Variants in PRRC2B observed in about 807,000 individuals in gnomAD.
PRRC2B encodes proline rich coiled-coil 2B.
In PRRC2B, 68 loss-of-function variants were observed where a neutral mutation model predicts 242.3. That is an observed-to-expected ratio of 0.28 (90% CI 0.23 to 0.34). The LOEUF is 0.34. PRRC2B is among the 10% of genes least tolerant of loss of function. The pLI, the probability that PRRC2B is intolerant of heterozygous loss-of-function variation, is 1.00. For synonymous variants in PRRC2B, 1,228 were observed against 1,173.6 expected (o/e 1.05, Z -0.95); for missense variants, 2,835 against 2,954.8 (o/e 0.96, Z 0.94).
intron 9 of PRRC2B, among the ~76,000 whole-genome samples, chr9:131,448,997 C>G (rs1248020522): frequency 6.6e-6 from 1 of 152,154 alleles, no homozygotes; most frequent in Non-Finnish European, 1.5e-5. Context: ...TCTTCTGATT[C>G]ACTTTACCCT....
intron 1 of PRRC2B, among the ~76,000 whole-genome samples, chr9:131,423,305 G>T (rs757492091): frequency 6.6e-6 from 1 of 152,218 alleles, no homozygotes; most frequent in Non-Finnish European, 1.5e-5. Flanking sequence ...TCTTGCCTCA[G>T]CCGGCTTCCT....
chr9:131,402,416 G>A (rs908729701), intron 1 of PRRC2B, among the ~76,000 whole-genome samples: 1 of 152,190 alleles, frequency 6.6e-6, no homozygotes, highest in African/African-American at 2.4e-5. Flanking sequence ...TGCAGCATGT[G>A]TCAGAACTAA....
chr9:131,451,665 T>G lies in PRRC2B; in HGVS notation c.1121-3411T>G, dbSNP rs150068827. ...TTTCTGGTCTGAGGAAGAAAATGTT[T>G]CATGTGTCAGCATGAAGTGTCAGCT... On this transcript the variant is annotated intron_variant, in intron 9 of 31. Coordinates refer to ENST00000683519, the MANE Select transcript of PRRC2B (RefSeq NM_013318.4). 2.0e-4 allele frequency among the ~76,000 whole-genome samples: 30 copies of G among 151,602 alleles called. No homozygotes were observed. In the East Asian group the frequency reaches 5.4e-3, roughly 27 times the overall value.
In PRRC2B at chr9:131,487,988, C is replaced by T. The variant is rs2131474442; in HGVS notation, c.6117C>T (p.Gly2039=). The change falls in exon 28 of 32, where the codon GGC becomes GGT. Residue 2039 remains glycine (G), a synonymous_variant. Transcript: ENST00000683519. The surrounding 1 kb of genome is among the most constrained non-coding windows in gnomAD (Gnocchi z 5.3). ...QPLEMVKPQS[G]SPYQPMSGNQ... ...TGGAGATGGTGAAGCCGCAGTCTGG[C>T]TCACCCTACCAGCCCATGAGCGGGA... 6.2e-7 allele frequency: 1 copy of T among 1,612,252 alleles called. No homozygotes were observed. The highest frequency in any genetic ancestry group is 8.5e-7 in the Non-Finnish European group (1 of 1,179,184).
At chr9:131,387,726 G>A (rs1836843651) in intron 1 of PRRC2B, among the ~76,000 whole-genome samples, 2 of 150,434 alleles carry the variant, frequency 1.3e-5, no homozygotes, top group South Asian at 4.2e-4. Context: ...TGCCACCACC[G>A]AGAGTGTGAA....
chr9:131,423,191 C>T (rs1031084014), intron 1 of PRRC2B, among the ~76,000 whole-genome samples: 3 of 152,186 alleles, frequency 2.0e-5, no homozygotes, highest in African/African-American at 7.2e-5. Flanking sequence ...TTGACTTATG[C>T]TAACCTGCGA....
intron 6 of PRRC2B, 58 bp downstream of exon 6, chr9:131,444,386 T>C (rs1054250076): frequency 1.9e-6 from 3 of 1,565,304 alleles, no homozygotes; most frequent in African/African-American, 2.7e-5. Context: ...TCCTCTCATC[T>C]CTCTGCACTC....
intron 1 of PRRC2B, among the ~76,000 whole-genome samples, chr9:131,380,159 A>G (rs915613084): frequency 1.3e-5 from 2 of 150,982 alleles, no homozygotes; most frequent in African/African-American, 4.9e-5. Flanking sequence ...CGCCCAGCTA[A>G]TTTTGTGGAT....
chr9:131,481,819 C>T lies in PRRC2B; in HGVS notation c.4983+11C>T, dbSNP rs1173403126. The T allele has an allele frequency of 6.5e-7, 1 of 1,548,922 alleles. No individual in the cohort carries two copies. The highest frequency in any genetic ancestry group is 8.7e-7 in the Non-Finnish European group (1 of 1,149,232). The stretch of plus-strand genomic sequence containing the variant: ...ACTGGCTCTGCGGAGGTGAGTGTGG[C>T]CGCTGCCCACATGCTGCCCCTGGGA... On this transcript the variant is annotated intron_variant, in intron 20 of 31. Coordinates refer to ENST00000683519, the MANE Select transcript of PRRC2B (RefSeq NM_013318.4).
chr9:131,402,576 G>C lies in PRRC2B; in HGVS notation c.-52+8313G>C, dbSNP rs144582573. On this transcript the variant is annotated intron_variant, in intron 1 of 31. Transcript: ENST00000683519. ...CCCAGTGGAGTGAGTAAATGCATCCGGAAGCAGAATTCTGTTGTTTCCCAT... is the reference window on the plus strand; with the variant it reads ...CCCAGTGGAGTGAGTAAATGCATCCCGAAGCAGAATTCTGTTGTTTCCCAT... Among the ~76,000 whole-genome samples the C allele has an allele frequency of 1.5e-3, 223 of 152,176 alleles. 2 individuals are homozygous for C. The highest frequency in any genetic ancestry group is 7.4e-3 in the Admixed American group (113 of 15,282).
chr9:131,486,864 T>G (rs1256887197), intron 26 of PRRC2B, among the ~76,000 whole-genome samples: 1 of 152,264 alleles, frequency 6.6e-6, no homozygotes, highest in Non-Finnish European at 1.5e-5. Flanking sequence ...TCTTTCTTTT[T>G]GTGCATTGTT....
intron 1 of PRRC2B, among the ~76,000 whole-genome samples, chr9:131,400,994 T>C (rs1415831135): frequency 1.3e-5 from 2 of 150,348 alleles, no homozygotes; most frequent in Non-Finnish European, 3.0e-5. Context: ...GGAGTTTTGC[T>C]CTTGTTGCCT....
At chr9:131,451,444 C>T (rs1015379120) in intron 9 of PRRC2B, among the ~76,000 whole-genome samples, 4 of 151,974 alleles carry the variant, frequency 2.6e-5, no homozygotes, top group Non-Finnish European at 5.9e-5. Flanking sequence ...TCACTGGTAC[C>T]AGACACTTTG....
intron 1 of PRRC2B, among the ~76,000 whole-genome samples, chr9:131,397,488 TCAA>T (rs1309681409): frequency 2.0e-5 from 3 of 151,684 alleles, no homozygotes; most frequent in East Asian, 1.9e-4. Flanking sequence ...TTTTTCCTGT[TCAA>T]CACTCCTAAC....
intron 28 of PRRC2B, chr9:131,491,152 G>T: frequency 2.4e-6 from 1 of 418,338 alleles, no homozygotes; most frequent in South Asian, 4.3e-5. Flanking sequence ...AACGCTGTTA[G>T]TTCCCATGCC....
At position 131,473,605 on chromosome 9, in the gene PRRC2B, G is replaced by T; in HGVS notation, c.2205G>T (p.Val735=). 8 of 1,613,146 alleles carry T rather than the reference G, an allele frequency of 5.0e-6. No homozygotes were observed. Among genetic ancestry groups the T allele is most frequent in the Non-Finnish European group, 5.1e-6 (6 of 1,179,576 alleles). ...NCVPPLQERK[V]TPIDSPPVWS... is the part of the protein sequence containing the mutation. ...TGCCCCCACTCCAAGAAAGAAAAGT[G>T]ACCCCCATCGACTCACCCCCTGTGT... The change falls in exon 15 of 32, where the codon GTG becomes GTT. Residue 735 remains valine, a synonymous_variant. Coordinates refer to ENST00000683519, the MANE Select transcript of PRRC2B (RefSeq NM_013318.4).
At chr9:131,477,544 C>T (rs919830731) in intron 16 of PRRC2B, among the ~76,000 whole-genome samples, 200 bp from the exon 17 acceptor site, 2 of 152,170 alleles carry the variant, frequency 1.3e-5, no homozygotes, top group African/African-American at 2.4e-5. Flanking sequence ...CAGGCAGAGC[C>T]GGTGGGGGCA....
At chr9:131,459,847 T>C (rs77958552) in intron 11 of PRRC2B, among the ~76,000 whole-genome samples, 9,216 of 151,812 alleles carry the variant, frequency 0.061, 359 homozygotes, top group Admixed American at 0.12. Flanking sequence ...CTTCTTGTTA[T>C]AGTTAAAAAA....
intron 10 of PRRC2B, among the ~76,000 whole-genome samples, chr9:131,455,619 G>A (rs1943051236): frequency 6.8e-6 from 1 of 147,548 alleles, no homozygotes; most frequent in African/African-American, 2.5e-5. Flanking sequence ...TGGGCTCAGC[G>A]ATTCTCCCAC....
Sources: allele counts gnomAD v4.1 joint callset (sites outside exome capture counted in the v4.1 genomes callset), GRCh38; gene constraint gnomAD v4.1.1; non-coding constraint Gnocchi (gnomAD v3.1); transcripts MANE v1.5; gene names NCBI Gene and HGNC (gene_info 2026-07-23, HGNC 2026-07-21).